Variants in LPP observed in about 807,000 individuals in gnomAD.
LPP encodes the protein LIM domain containing preferred translocation partner in lipoma, also known as lipoma-preferred partner.
Under a neutral mutation model 60.4 loss-of-function variants are expected in LPP, and 38 were observed. The ratio of observed to expected loss-of-function variants is 0.63; its 90% CI spans 0.49 to 0.83. The LOEUF is 0.83. Ranked by LOEUF, LPP falls within the 40% of genes least tolerant of loss-of-function variation. LPP has a pLI of 0.00. For synonymous variants in LPP, 328 were observed against 290.8 expected, an observed-to-expected ratio of 1.13 and a Z score of -1.30; for missense variants, 902 against 783.6, an observed-to-expected ratio of 1.15 and a Z score of -1.80.
intron 2 of LPP, among the ~76,000 whole-genome samples, chr3:188,228,693 A>G (rs1560131196): frequency 6.6e-6 from 1 of 152,200 alleles, no homozygotes; most frequent in Admixed American, 6.5e-5. Flanking sequence ...GAGGGCATAA[A>G]AAGGCAGTGA....
At chr3:188,708,558 C>A in intron 8 of LPP, 165 bp downstream of exon 8, 3 of 889,200 alleles carry the variant, frequency 3.4e-6, no homozygotes, top group Non-Finnish European at 5.3e-6. Context: ...TTTGCATTTG[C>A]AAGACTGCCA....
chr3:188,185,430 G>C (rs1261330508), intron 1 of LPP, among the ~76,000 whole-genome samples: 1 of 150,548 alleles, frequency 6.6e-6, no homozygotes, highest in Non-Finnish European at 1.5e-5. Context: ...ATACCCCACA[G>C]TTTATAGAGT....
intron 8 of LPP, among the ~76,000 whole-genome samples, chr3:188,724,438 C>T (rs1416973154): frequency 1.3e-5 from 2 of 152,104 alleles, no homozygotes; most frequent in African/African-American, 4.8e-5. Flanking sequence ...ATTTGATTTT[C>T]TCTGATTGAA....
chr3:188,797,851 G>C (rs1167609140), intron 9 of LPP, among the ~76,000 whole-genome samples: 4 of 152,114 alleles, frequency 2.6e-5, no homozygotes, highest in African/African-American at 7.2e-5. Flanking sequence ...CTTTCTATTT[G>C]TGTTTCCCAA....
intron 6 of LPP, among the ~76,000 whole-genome samples, chr3:188,546,876 A>G (rs1456031825): frequency 6.6e-6 from 1 of 152,222 alleles, no homozygotes; most frequent in Non-Finnish European, 1.5e-5. Flanking sequence ...CATCAAACCA[A>G]CAATTGTTAA....
At chr3:188,246,289 A>C (rs1237709249) in intron 2 of LPP, among the ~76,000 whole-genome samples, 2 of 152,150 alleles carry the variant, frequency 1.3e-5, no homozygotes, top group Non-Finnish European at 2.9e-5. Flanking sequence ...CCCTTCAAGT[A>C]GGAATGAAAA....
intron 7 of LPP, among the ~76,000 whole-genome samples, chr3:188,661,897 G>A (rs1854659852): frequency 6.6e-6 from 1 of 152,164 alleles, no homozygotes; most frequent in Admixed American, 6.5e-5. Flanking sequence ...AGCAGACTTG[G>A]GGATATAAAA....
chr3:188,258,315 G>A (rs997819283), intron 2 of LPP, among the ~76,000 whole-genome samples: 1 of 152,154 alleles, frequency 6.6e-6, no homozygotes, highest in Non-Finnish European at 1.5e-5. Flanking sequence ...AAAATCACTT[G>A]GGGAGGTTTT....
At chr3:188,230,988 T>A (rs999328639) in intron 2 of LPP, among the ~76,000 whole-genome samples, 15 of 152,004 alleles carry the variant, frequency 9.9e-5, no homozygotes, top group African/African-American at 3.6e-4. Context: ...TCCCCACAGA[T>A]TATTGGACTG....
At chr3:188,364,419 A>G (rs993636419) in intron 3 of LPP, among the ~76,000 whole-genome samples, 5 of 152,214 alleles carry the variant, frequency 3.3e-5, no homozygotes, top group African/African-American at 1.2e-4. Context: ...TTGTTGAATT[A>G]AACCAGACAC....
chr3:188,192,328 TGACTG>T (rs1438370132), intron 1 of LPP, among the ~76,000 whole-genome samples: 2 of 152,142 alleles, frequency 1.3e-5, no homozygotes, highest in African/African-American at 4.8e-5. Flanking sequence ...GCACAGGACT[TGACTG>T]GACAGTTGAG....
intron 9 of LPP, among the ~76,000 whole-genome samples, chr3:188,771,803 T>A (rs1215670502): frequency 1.3e-5 from 2 of 152,204 alleles, no homozygotes; most frequent in Non-Finnish European, 2.9e-5. Context: ...AGGACAACTG[T>A]AAGTCAGCAT....
chr3:188,628,952 T>C (rs1230103714), intron 7 of LPP, among the ~76,000 whole-genome samples: 1 of 152,138 alleles, frequency 6.6e-6, no homozygotes, highest in Non-Finnish European at 1.5e-5. Flanking sequence ...TGGTTCACCA[T>C]ACACAAATCA....
intron 4 of LPP, among the ~76,000 whole-genome samples, chr3:188,442,640 G>A (rs770999268): frequency 2.6e-5 from 4 of 152,170 alleles, no homozygotes; most frequent in African/African-American, 7.2e-5. Context: ...AGGTGTGACC[G>A]TGGTATTTCC....
At chr3:188,552,094 A>G (rs1412160239) in intron 6 of LPP, among the ~76,000 whole-genome samples, 1 of 152,190 alleles carries the variant, frequency 6.6e-6, no homozygotes, top group Non-Finnish European at 1.5e-5. Context: ...CCCTCTGTCA[A>G]ATGAGAGATT....
chr3:188,609,476 C>CA lies in LPP; in HGVS notation c.746dup (p.Tyr251LeufsTer2). ...AGGACAAATTTATGGCTCAGGGCCCCAGGGCTATAACACTCAGCCAGTTCC... is the reference window on the plus strand; with the variant it reads ...AGGACAAATTTATGGCTCAGGGCCCCAAGGGCTATAACACTCAGCCAGTTCC... On this transcript the variant is annotated frameshift_variant, in exon 7 of 12. Transcript: ENST00000617246. LOFTEE classifies it high-confidence loss of function. The surrounding 1 kb of genome is among the most constrained non-coding windows in gnomAD (Gnocchi z 6.9). The CA allele has an allele frequency of 6.2e-7, 1 of 1,614,156 alleles. No individual in the cohort carries two copies. The highest frequency in any genetic ancestry group is 8.5e-7 in the Non-Finnish European group (1 of 1,180,020).
intron 6 of LPP, among the ~76,000 whole-genome samples, chr3:188,602,690 T>C (rs999762309): frequency 6.8e-6 from 1 of 148,134 alleles, no homozygotes; most frequent in Non-Finnish European, 1.5e-5. Context: ...CTGAGTGATA[T>C]AGAAATATTT....
intron 1 of LPP, among the ~76,000 whole-genome samples, chr3:188,187,609 CA>C (rs898774010): frequency 5.3e-5 from 8 of 151,988 alleles, no homozygotes; most frequent in African/African-American, 1.9e-4. Flanking sequence ...GTGTCTTCTT[CA>C]AGTTCCAGCA....
At chr3:188,691,085 C>T (rs2149473249) in intron 7 of LPP, among the ~76,000 whole-genome samples, 1 of 152,270 alleles carries the variant, frequency 6.6e-6, no homozygotes, top group Non-Finnish European at 1.5e-5. Flanking sequence ...CTAAGTTTAT[C>T]CTTACCTTTA....
Sources: allele counts gnomAD v4.1 joint callset (sites outside exome capture counted in the v4.1 genomes callset), GRCh38; gene constraint gnomAD v4.1.1; non-coding constraint Gnocchi (gnomAD v3.1); transcripts MANE v1.5; gene names NCBI Gene and HGNC (gene_info 2026-07-23, HGNC 2026-07-21).